MARCHF1: variants seen among roughly 807,000 people sequenced by gnomAD.
MARCHF1 encodes the protein E3 ubiquitin-protein ligase MARCHF1.
In MARCHF1, 40 loss-of-function variants were observed where a neutral mutation model predicts 54.2. That is an observed-to-expected ratio of 0.74 (90% CI 0.57 to 0.96). The LOEUF (loss-of-function observed/expected upper bound fraction) is 0.96. Ranked by LOEUF, MARCHF1 falls within the 40% of genes least tolerant of loss-of-function variation. MARCHF1 has a pLI of 0.00. For missense variants in MARCHF1, 586 were observed against 656.5 expected (o/e 0.89, Z 1.17); for synonymous variants, 236 against 236.3 (o/e 1.00, Z 0.01).
rs558913909 is a variant in MARCHF1, at chr4:164,335,442, C to T, written c.-323+48428G>A. The stretch of plus-strand genomic sequence containing the variant: ...CCAAAAATACGAAAAATTAACTGGG[C>T]GTGGTGGCTTGCGCCTATAGTCCCA... On this transcript the variant is annotated intron_variant, in intron 1 of 9. Transcript: ENST00000514618. Among the ~76,000 whole-genome samples, 162 of 152,168 alleles carry T rather than the reference C, an allele frequency of 1.1e-3. 1 individual carries two copies. Among genetic ancestry groups the T allele is most frequent in the Non-Finnish European group, 2.5e-4 (17 of 68,008 alleles).
At position 164,184,665 on chromosome 4, in the gene MARCHF1, T is replaced by C. The variant is rs146725086; in HGVS notation, c.-322-73003A>G. On this transcript the variant is annotated intron_variant, in intron 1 of 9. Transcript: ENST00000514618. The stretch of plus-strand genomic sequence containing the variant: ...AAACAATAACATAATCAAACATGAA[T>C]TCCCTTGGTGGTATGGCCCGTCAAG... Among the ~76,000 whole-genome samples, 1,131 of 152,312 alleles carry C rather than the reference T, an allele frequency of 7.4e-3. 5 individuals carry two copies. The highest frequency in any genetic ancestry group is 0.012 in the Non-Finnish European group (824 of 68,022).
At chr4:163,683,830 G>C (rs1744183428) in intron 5 of MARCHF1, among the ~76,000 whole-genome samples, 1 of 152,044 alleles carries the variant, frequency 6.6e-6, no homozygotes, top group African/African-American at 2.4e-5. Context: ...ATAATCCTTG[G>C]GGCTCTGCTT....
intron 1 of MARCHF1, among the ~76,000 whole-genome samples, chr4:164,316,778 G>A (rs1395431944): frequency 4.6e-5 from 7 of 152,150 alleles, no homozygotes; most frequent in East Asian, 1.9e-4. Flanking sequence ...AACATGGGGG[G>A]TGGATTCCCC....
At chr4:164,062,545 G>C (rs2111071147) in intron 2 of MARCHF1, among the ~76,000 whole-genome samples, 1 of 152,070 alleles carries the variant, frequency 6.6e-6, no homozygotes, top group Non-Finnish European at 1.5e-5. Flanking sequence ...ATTTATTGGA[G>C]ACAGAGTCTC....
chr4:163,545,894 T>C (rs2110919237), intron 8 of MARCHF1, 151 bp from the exon 9 acceptor site: 1 of 678,006 alleles, frequency 1.5e-6, no homozygotes, highest in Admixed American at 2.7e-5. Context: ...AGTCTTCATG[T>C]TTAGAGAGAT....
intron 3 of MARCHF1, among the ~76,000 whole-genome samples, chr4:163,905,151 T>C (rs1330074570): frequency 6.6e-6 from 1 of 152,126 alleles, no homozygotes; most frequent in East Asian, 1.9e-4. Flanking sequence ...GAGGCAGGTG[T>C]TTCTAACACT....
At chr4:163,730,217 A>T (rs1020271044) in intron 4 of MARCHF1, among the ~76,000 whole-genome samples, 2 of 151,984 alleles carry the variant, frequency 1.3e-5, no homozygotes, top group Non-Finnish European at 2.9e-5. Flanking sequence ...TGTACTTTTC[A>T]TCTACAGAAT....
chr4:164,241,667 C>A (rs1189871973), intron 1 of MARCHF1, among the ~76,000 whole-genome samples: 1 of 152,178 alleles, frequency 6.6e-6, no homozygotes, highest in Non-Finnish European at 1.5e-5. Context: ...CAGCTCCCAG[C>A]GTGAGCTACG....
intron 5 of MARCHF1, among the ~76,000 whole-genome samples, chr4:163,628,516 C>T (rs533051462): frequency 2.2e-4 from 34 of 152,324 alleles, no homozygotes; most frequent in African/African-American, 8.2e-4. Context: ...CTCACCACTC[C>T]TATTCAACAT....
chr4:163,801,408 A>T (rs1748078383), intron 4 of MARCHF1, among the ~76,000 whole-genome samples: 1 of 152,064 alleles, frequency 6.6e-6, no homozygotes, highest in Non-Finnish European at 1.5e-5. Flanking sequence ...ACCTATCTAC[A>T]AGTTTTCTGA....
At chr4:163,613,568 T>TA (rs1399496726) in intron 5 of MARCHF1, 175 bp from the exon 6 acceptor site, 1 of 1,523,094 alleles carries the variant, frequency 6.6e-7, no homozygotes, top group Non-Finnish European at 8.8e-7. Context: ...AAGTAAAACT[T>TA]ATTTGAGGAA....
At chr4:163,684,341 C>G (rs1009071170) in intron 5 of MARCHF1, among the ~76,000 whole-genome samples, 15 of 152,078 alleles carry the variant, frequency 9.9e-5, no homozygotes, top group African/African-American at 2.4e-5. Flanking sequence ...TTGCCCATGT[C>G]AGAAAGAATT....
At chr4:163,631,842 G>A (rs75193632) in intron 5 of MARCHF1, among the ~76,000 whole-genome samples, 10,553 of 152,146 alleles carry the variant, frequency 0.069, 1,183 homozygotes, top group African/African-American at 0.23. Context: ...CAAAAACTGC[G>A]CATCAAAGGA....
chr4:163,889,919 C>CTTTTTCTTTTTTTTTTTTTTTT lies in MARCHF1; in HGVS notation c.-38-35751_-38-35750insAAAAAAAAAAAAAAAAGAAAAA, dbSNP rs1750618978. 1.7e-5 allele frequency among the ~76,000 whole-genome samples: 2 copies of CTTTTTCTTTTTTTTTTTTTTTT among 117,238 alleles called. 1 individual carries two copies. Among genetic ancestry groups the CTTTTTCTTTTTTTTTTTTTTTT allele is most frequent in the Non-Finnish European group, 3.3e-5 (2 of 59,706 alleles). The allele number at this position is 117,238 out of a possible 152,430, so 76.9% of individuals were successfully genotyped here. A position where few individuals can be genotyped will look rare whatever the true frequency, so the allele number is the denominator to read the frequency against. On this transcript the variant is annotated intron_variant, in intron 3 of 9. Coordinates refer to ENST00000514618, the MANE Select transcript of MARCHF1 (RefSeq NM_001394959.1). ...ATGTTAAACTTCGTTTATTTATTTT[C>CTTTTTCTTTTTTTTTTTTTTTT]TTTTTTCTTTTTTTTTTTTTTTTGA...
intron 1 of MARCHF1, among the ~76,000 whole-genome samples, chr4:164,382,952 G>A (rs1176931512): frequency 1.3e-5 from 2 of 152,176 alleles, no homozygotes; most frequent in East Asian, 1.9e-4. Context: ...CCAGGAAAAC[G>A]TGAGGCTCTC....
At chr4:164,298,412 C>T (rs987927393) in intron 1 of MARCHF1, among the ~76,000 whole-genome samples, 1 of 151,902 alleles carries the variant, frequency 6.6e-6, no homozygotes, top group African/African-American at 2.4e-5. Flanking sequence ...CTTTCCGTAA[C>T]GGGTACCTTC....
At chr4:163,931,554 T>G (rs1221592075) in intron 3 of MARCHF1, among the ~76,000 whole-genome samples, 1 of 152,166 alleles carries the variant, frequency 6.6e-6, no homozygotes, top group Non-Finnish European at 1.5e-5. Flanking sequence ...CATCAAACAC[T>G]GAATATACTA....
intron 2 of MARCHF1, among the ~76,000 whole-genome samples, chr4:164,082,383 T>G (rs1338106655): frequency 1.3e-5 from 2 of 152,148 alleles, no homozygotes; most frequent in Non-Finnish European, 2.9e-5. Context: ...GCCAAAAAAT[T>G]TGCATAATAA....
intron 1 of MARCHF1, among the ~76,000 whole-genome samples, chr4:164,172,502 T>G (rs963260155): frequency 1.3e-5 from 2 of 152,196 alleles, no homozygotes; most frequent in African/African-American, 4.8e-5. Context: ...CTCCCCTTCT[T>G]AGTTACATAC....
Sources: allele counts gnomAD v4.1 joint callset (sites outside exome capture counted in the v4.1 genomes callset), GRCh38; gene constraint gnomAD v4.1.1; transcripts MANE v1.5; gene names NCBI Gene and HGNC (gene_info 2026-07-23, HGNC 2026-07-21).